The following NHEJ1 variants were observed in gnomAD, a reference collection of about 807,000 sequenced individuals.
NHEJ1 encodes the protein non-homologous end joining factor 1.
In NHEJ1, 22 loss-of-function variants were observed where a neutral mutation model predicts 39.4. That is an observed-to-expected ratio of 0.56 (90% CI 0.40 to 0.80). The LOEUF is 0.80. Among genes scored for constraint, NHEJ1 ranks in the 30% least tolerant of loss-of-function variants. The pLI is 0.00. For synonymous variants in NHEJ1, 154 were observed against 135.6 expected (o/e 1.14, Z -0.94); for missense variants, 329 against 357.1 (o/e 0.92, Z 0.63).
At chr2:219,099,858 G>T (rs1949240378) in intron 5 of NHEJ1, among the ~76,000 whole-genome samples, 1 of 152,188 alleles carries the variant, frequency 6.6e-6, no homozygotes, top group Non-Finnish European at 1.5e-5. Flanking sequence ...AGATAAAGAA[G>T]ATTTTGCTGA....
chr2:219,100,960 C>T (rs75832747), intron 5 of NHEJ1, among the ~76,000 whole-genome samples: 2,902 of 152,330 alleles, frequency 0.019, 43 homozygotes, highest in Non-Finnish European at 0.03. Flanking sequence ...CAATCCCCCC[C>T]TCAGAGGAAA....
chr2:219,074,651 A>G lies in NHEJ1; in HGVS notation c.*1730T>C, dbSNP rs1221869775. ...CAGCTACTCGGGAGGCTGAGGCAGG[A>G]GAATCACTTGAACACAGGAGGTGGA... On this transcript the variant is annotated 3_prime_UTR_variant, in exon 8 of 8. Transcript: ENST00000356853. 6.6e-6 allele frequency among the ~76,000 whole-genome samples: 1 copy of G among 151,988 alleles called. No homozygotes were observed. Among genetic ancestry groups the G allele is most frequent in the Non-Finnish European group, 1.5e-5 (1 of 68,010 alleles).
At chr2:219,096,605 C>T (rs1207675924) in intron 5 of NHEJ1, among the ~76,000 whole-genome samples, 4 of 152,078 alleles carry the variant, frequency 2.6e-5, no homozygotes, top group African/African-American at 9.7e-5. Context: ...AGGTGGGATG[C>T]AATTTTAAAT....
rs73074969 is a variant in NHEJ1 at position 219,152,127 on chromosome 2, A to G, written c.391-4332T>C. Reference sequence around the variant, plus strand: ...TACAGTTCATCAGTCAATTCAACAGATATCTACTGGGTTCCTAATATGTAC... The same window carrying G: ...TACAGTTCATCAGTCAATTCAACAGGTATCTACTGGGTTCCTAATATGTAC... On this transcript the variant is annotated intron_variant, in intron 3 of 7. Coordinates refer to ENST00000356853, the MANE Select transcript of NHEJ1 (RefSeq NM_024782.3). 3.7e-3 allele frequency among the ~76,000 whole-genome samples: 566 copies of G among 152,282 alleles called. 6 individuals are homozygous for G. The highest frequency in any genetic ancestry group is 0.012 in the African/African-American group (511 of 41,542).
At chr2:219,076,897 C>G (rs1351880146) in intron 7 of NHEJ1, among the ~76,000 whole-genome samples, 1 of 152,154 alleles carries the variant, frequency 6.6e-6, no homozygotes, top group Non-Finnish European at 1.5e-5. Context: ...CTATGTCAGA[C>G]AGCAAATGCG....
chr2:219,080,542 T>TAA (rs1949052846), intron 5 of NHEJ1, among the ~76,000 whole-genome samples: 1 of 136,868 alleles, frequency 7.3e-6, no homozygotes, highest in African/African-American at 3.0e-5. Flanking sequence ...AATAAATAAA[T>TAA]AAATAAAAAT....
chr2:219,099,175 C>T (rs1347138246), intron 5 of NHEJ1, among the ~76,000 whole-genome samples: 2 of 152,172 alleles, frequency 1.3e-5, no homozygotes, highest in Non-Finnish European at 2.9e-5. Context: ...TTGGTGATTA[C>T]AAGGCCTAGA....
At chr2:219,086,120 T>G (rs1036105338) in intron 5 of NHEJ1, among the ~76,000 whole-genome samples, 4 of 152,242 alleles carry the variant, frequency 2.6e-5, no homozygotes, top group Admixed American at 6.5e-5. Flanking sequence ...GGTACTAGGC[T>G]ATGCATTTTG....
At chr2:219,158,165 A>G in intron 2 of NHEJ1, 21 bp downstream of exon 2, 1 of 1,613,282 alleles carries the variant, frequency 6.2e-7, no homozygotes, top group Middle Eastern at 1.7e-4. Context: ...CCGACACAGC[A>G]GTACTTCTCC....
intron 5 of NHEJ1, among the ~76,000 whole-genome samples, chr2:219,095,682 T>C (rs1054222076): frequency 6.6e-6 from 1 of 152,066 alleles, no homozygotes; most frequent in African/African-American, 2.4e-5. Flanking sequence ...TAGGATCTAG[T>C]TCAGGGAGGA....
chr2:219,137,516 CATA>C (rs1049204270), intron 5 of NHEJ1, among the ~76,000 whole-genome samples: 9 of 116,776 alleles, frequency 7.7e-5, no homozygotes, highest in African/African-American at 2.9e-4. Context: ...AATCACAGCA[CATA>C]ATGACAGTCG....
intron 5 of NHEJ1, among the ~76,000 whole-genome samples, chr2:219,139,939 A>G (rs1166433526): frequency 6.6e-6 from 1 of 152,262 alleles, no homozygotes; most frequent in African/African-American, 2.4e-5. Flanking sequence ...TTGGCCTCCC[A>G]AAGTGCTGCG....
At chr2:219,147,559 G>T in intron 4 of NHEJ1, 98 bp downstream of exon 4, 2 of 1,452,666 alleles carry the variant, frequency 1.4e-6, no homozygotes. Context: ...CATCCTGGGG[G>T]AGGCACTTCT....
At chr2:219,114,431 G>A (rs889245571) in intron 5 of NHEJ1, among the ~76,000 whole-genome samples, 4 of 152,190 alleles carry the variant, frequency 2.6e-5, no homozygotes, top group African/African-American at 9.7e-5. Flanking sequence ...CTTTTAGAAT[G>A]TCTTGGCCTA....
intron 5 of NHEJ1, among the ~76,000 whole-genome samples, chr2:219,123,374 T>C (rs1165866852): frequency 6.6e-6 from 1 of 152,222 alleles, no homozygotes; most frequent in South Asian, 2.1e-4. Context: ...CTACGACTGA[T>C]GCAGTGAGAG....
Position 219,141,447 on chromosome 2 carries a change from G to A in NHEJ1, c.588+5233C>T, listed in dbSNP as rs372520324. Among the ~76,000 whole-genome samples the A allele has an allele frequency of 9.9e-5, 15 of 151,764 alleles. No individual in the cohort carries two copies. The East Asian group carries it at 2.7e-3, about 27-fold the overall frequency. Reference sequence around the variant, plus strand: ...AAATGGCTAATTTCAGACAACGGGAGGTAGAATAGAGAAGATAGGCAGATT... The same window carrying A: ...AAATGGCTAATTTCAGACAACGGGAAGTAGAATAGAGAAGATAGGCAGATT... On this transcript the variant is annotated intron_variant, in intron 5 of 7. Transcript: ENST00000356853.
At chr2:219,104,718 A>C (rs530601963) in intron 5 of NHEJ1, among the ~76,000 whole-genome samples, 10 of 152,302 alleles carry the variant, frequency 6.6e-5, no homozygotes, top group Admixed American at 3.9e-4. Flanking sequence ...CACACACACA[A>C]AAAAGAAGAA....
At chr2:219,159,457 AAC>A (rs1305998924) in intron 1 of NHEJ1, 2 of 150,592 alleles carry the variant, frequency 1.3e-5, no homozygotes, top group African/African-American at 2.4e-5. Context: ...AAGTCTGATT[AAC>A]ACAGTCATTT....
At position 219,116,914 on chromosome 2, in the gene NHEJ1, AG is replaced by A. The variant is rs1664292542; in HGVS notation, c.588+29765del. Among the ~76,000 whole-genome samples, 7 of 152,178 alleles carry A rather than the reference AG, an allele frequency of 4.6e-5. No homozygotes were observed. The South Asian group carries it at 1.4e-3, about 31-fold the overall frequency. On this transcript the variant is annotated intron_variant, in intron 5 of 7. Transcript: ENST00000356853. Reference sequence around the variant, plus strand: ...AGTTCAGGCAACTTGGAGGAGGGACAGGAAGGGCTAGGGCAAACATGTCACA... The same window carrying A: ...AGTTCAGGCAACTTGGAGGAGGGACAGAAGGGCTAGGGCAAACATGTCACA...
Sources: allele counts gnomAD v4.1 joint callset (sites outside exome capture counted in the v4.1 genomes callset), GRCh38; gene constraint gnomAD v4.1.1; transcripts MANE v1.5; gene names NCBI Gene and HGNC (gene_info 2026-07-23, HGNC 2026-07-21).